NCBP1: variants seen among roughly 807,000 people sequenced by gnomAD.
NCBP1 encodes nuclear cap-binding protein subunit 1.
A neutral mutation model predicts 111.7 loss-of-function variants in NCBP1; 16 were observed. That is an observed-to-expected ratio of 0.14 (90% CI 0.10 to 0.22). NCBP1 has a LOEUF of 0.22. Among genes scored for constraint, NCBP1 ranks in the 10% least tolerant of loss-of-function variants. The pLI, the probability that NCBP1 is intolerant of heterozygous loss-of-function variation, is 1.00. For synonymous variants in NCBP1, 304 were observed against 314.3 expected (o/e 0.97, Z 0.35); for missense variants, 607 against 957.5 (o/e 0.63, Z 4.83).
intron 22 of NCBP1, chr9:97,670,054 C>G (rs1463739627): frequency 2.8e-6 from 1 of 360,850 alleles, no homozygotes; most frequent in Non-Finnish European, 5.4e-6. Context: ...TCCCATATTG[C>G]TGGGATTACA....
intron 11 of NCBP1, 147 bp from the exon 12 acceptor site, chr9:97,654,731 GAA>G (rs1827597908): frequency 1.4e-6 from 1 of 739,026 alleles, no homozygotes; most frequent in African/African-American, 1.8e-5. Context: ...AAAGCTGTAA[GAA>G]AAAACAAAAA....
At chr9:97,647,271 A>G (rs1048593227) in intron 6 of NCBP1, among the ~76,000 whole-genome samples, 1 of 152,212 alleles carries the variant, frequency 6.6e-6, no homozygotes. Context: ...TACTTTCCCA[A>G]AGAGATTATA....
At chr9:97,670,235 T>C (rs1235655001) in intron 22 of NCBP1, among the ~76,000 whole-genome samples, 1 of 152,196 alleles carries the variant, frequency 6.6e-6, no homozygotes, top group Non-Finnish European at 1.5e-5. Context: ...TGTCATTTTC[T>C]ATGCTGGGGA....
intron 18 of NCBP1, among the ~76,000 whole-genome samples, chr9:97,663,873 A>G (rs1319528339): frequency 6.6e-6 from 1 of 151,886 alleles, no homozygotes. Flanking sequence ...AAAGGGGAGA[A>G]TAAATCTTAA....
intron 1 of NCBP1, among the ~76,000 whole-genome samples, chr9:97,638,375 A>C (rs141478239): frequency 3.2e-4 from 49 of 152,326 alleles, no homozygotes; most frequent in Non-Finnish European, 5.9e-4. Context: ...TTTCTCAGAA[A>C]TCATACCTTC....
Position 97,668,842 on chromosome 9 carries a change from A to G in NCBP1, c.2017-4A>G, listed in dbSNP as rs1366605461. The G allele has an allele frequency of 3.1e-6, 5 of 1,610,158 alleles. No individual in the cohort carries two copies. Among genetic ancestry groups the G allele is most frequent in the Non-Finnish European group, 3.4e-6 (4 of 1,178,936 alleles). Reference sequence around the variant, plus strand: ...TTTTCCTTTTGTTCATTTGCCTTCTATAGCGAAGTGATGATGACGACAGAA... The same window carrying G: ...TTTTCCTTTTGTTCATTTGCCTTCTGTAGCGAAGTGATGATGACGACAGAA... On this transcript the variant is annotated splice_region_variant and splice_polypyrimidine_tract_variant and intron_variant, in intron 20 of 22. Coordinates refer to ENST00000375147, the MANE Select transcript of NCBP1 (RefSeq NM_002486.5).
intron 16 of NCBP1, among the ~76,000 whole-genome samples, chr9:97,661,732 G>GTTTT (rs34390822): frequency 2.7e-5 from 3 of 113,070 alleles, no homozygotes; most frequent in East Asian, 5.0e-4. Context: ...AAGCTTAAGT[G>GTTTT]TTTTTTTTTT....
chr9:97,666,351 A>C (rs1409748132), intron 19 of NCBP1, among the ~76,000 whole-genome samples: 1 of 152,202 alleles, frequency 6.6e-6, no homozygotes, highest in African/African-American at 2.4e-5. Context: ...AAATAATATA[A>C]AGCATGGGAA....
rs977454003 is a variant in NCBP1 at position 97,658,512 on chromosome 9, T to C, written c.1374-128T>C. On this transcript the variant is annotated intron_variant, in intron 14 of 22. Transcript: ENST00000375147. ...GACAAAAACTCAAAGGATTTTTTTTTCCCTTTCACTTCTTGGTTGTCAGCT... is the reference window on the plus strand; with the variant it reads ...GACAAAAACTCAAAGGATTTTTTTTCCCCTTTCACTTCTTGGTTGTCAGCT... The C allele has an allele frequency of 7.1e-5, 49 of 692,702 alleles. No individual in the cohort carries two copies. The East Asian group carries it at 1.3e-3, about 18-fold the overall frequency. 42.9% of individuals were successfully genotyped at this position (692,702 alleles called of 1,614,324 possible).
chr9:97,662,809 T>C, intron 17 of NCBP1, 145 bp from the exon 18 acceptor site: 1 of 605,924 alleles, frequency 1.7e-6, no homozygotes, highest in Non-Finnish European at 2.8e-6. Flanking sequence ...GTGATCACAC[T>C]TTTTGCATCC....
intron 11 of NCBP1, among the ~76,000 whole-genome samples, chr9:97,654,523 C>T (rs1352902344): frequency 6.6e-6 from 1 of 150,444 alleles, no homozygotes; most frequent in Non-Finnish European, 1.5e-5. Context: ...AAAATGGTGC[C>T]AGTAGACTTG....
At chr9:97,634,961 A>G (rs1826963940) in intron 1 of NCBP1, among the ~76,000 whole-genome samples, 1 of 152,260 alleles carries the variant, frequency 6.6e-6, no homozygotes, top group Non-Finnish European at 1.5e-5. Flanking sequence ...AATACACATC[A>G]GCAACAATGA....
chr9:97,645,563 A>C, intron 5 of NCBP1, 48 bp from the exon 6 acceptor site: 2 of 1,546,112 alleles, frequency 1.3e-6, no homozygotes, highest in African/African-American at 2.8e-5. Context: ...AATATGAATG[A>C]ATATAATTAA....
chr9:97,653,152 G>A (rs546195095), intron 10 of NCBP1, among the ~76,000 whole-genome samples: 4 of 136,214 alleles, frequency 2.9e-5, no homozygotes, highest in Admixed American at 7.9e-5. Flanking sequence ...ATGGAGTCTC[G>A]CTCTGTCGCC....
At position 97,643,206 on chromosome 9, in the gene NCBP1, C is replaced by G. The variant is rs760042997; in HGVS notation, c.227C>G (p.Ala76Gly). ...SKILRLLCTV[A>G]RLLPEKLTIY... ...GTTATACTGGGTTCTTAAATCAGTG[C>G]ACGCCTATTACCTGAGAAGCTGACA... Residue 76 changes from alanine to glycine, a missense_variant and splice_region_variant, in exon 4 of 23, where the codon GCA (alanine) becomes GGA (glycine). By Grantham distance (60) the Ala-to-Gly change is moderately conservative (BLOSUM62 0). This residue lies in a region of NCBP1 where 185 missense variants were observed against 272.0 expected (regional missense o/e 0.68). Coordinates refer to ENST00000375147, the MANE Select transcript of NCBP1 (RefSeq NM_002486.5). 9 of 1,602,116 alleles carry G rather than the reference C, an allele frequency of 5.6e-6. No individual in the cohort carries two copies. Among genetic ancestry groups the G allele is most frequent in the Non-Finnish European group, 7.6e-6 (9 of 1,176,802 alleles).
intron 1 of NCBP1, among the ~76,000 whole-genome samples, chr9:97,634,272 C>G (rs1010720999): frequency 6.6e-6 from 1 of 152,210 alleles, no homozygotes; most frequent in African/African-American, 2.4e-5. Flanking sequence ...GTCCTAGTGT[C>G]TCGTTTTAAC....
Position 97,648,210 on chromosome 9 carries a change from C to G in NCBP1, c.884C>G (p.Thr295Arg). ...PRVIFRMFDY[T>R]DDPEGPVMPG... ...GTCATCTTCAGAATGTTTGATTACA[C>G]AGATGATCCCGAGGTAAGTGACCGA... is the stretch of plus-strand genomic sequence containing the variant. Residue 295 changes from threonine to arginine, a missense_variant, in exon 8 of 23, where the codon ACA (threonine) becomes AGA (arginine). Physicochemically the swap from Thr to Arg is moderately conservative, Grantham distance 71. Coordinates refer to ENST00000375147, the MANE Select transcript of NCBP1 (RefSeq NM_002486.5). The G allele has an allele frequency of 6.2e-7, 1 of 1,614,062 alleles. No homozygotes were observed. Among genetic ancestry groups the G allele is most frequent in the Non-Finnish European group, 8.5e-7 (1 of 1,179,944 alleles).
chr9:97,664,557 G>A (rs1587724551), intron 19 of NCBP1, 114 bp downstream of exon 19: 1 of 647,654 alleles, frequency 1.5e-6, no homozygotes, highest in Non-Finnish European at 2.6e-6. Context: ...ATATACTAAT[G>A]GTCCAATCTG....
intron 1 of NCBP1, among the ~76,000 whole-genome samples, chr9:97,638,344 T>C (rs1417752334): frequency 6.6e-6 from 1 of 152,186 alleles, no homozygotes; most frequent in Non-Finnish European, 1.5e-5. Flanking sequence ...GATGTGACTA[T>C]GTACATGTAT....
Sources: allele counts gnomAD v4.1 joint callset (sites outside exome capture counted in the v4.1 genomes callset), GRCh38; gene constraint gnomAD v4.1.1; regional missense constraint gnomAD v4.1.1; transcripts MANE v1.5; gene names NCBI Gene and HGNC (gene_info 2026-07-23, HGNC 2026-07-21).